The following ATAD3A variants were observed in gnomAD, a reference collection of about 807,000 sequenced individuals.
The protein encoded by ATAD3A is ATPase family AAA domain containing 3A, also known as ATPase family AAA domain-containing protein 3A.
ATAD3A carries 46 observed loss-of-function variants against 73.8 expected under a neutral mutation model. That is an observed-to-expected ratio of 0.62 (90% CI 0.49 to 0.80). The LOEUF (loss-of-function observed/expected upper bound fraction) is 0.80. ATAD3A is among the 30% of genes least tolerant of loss of function. The probability of loss-of-function intolerance (pLI) is 0.00; values close to 1 mark genes in which losing one functional copy is unlikely to be tolerated. For synonymous variants in ATAD3A, 319 were observed against 350.0 expected, an observed-to-expected ratio of 0.91 and a Z score of 0.99; for missense variants, 705 against 838.0, an observed-to-expected ratio of 0.84 and a Z score of 1.96.
chr1:1,514,958 C>G (rs1342005408), intron 1 of ATAD3A, among the ~76,000 whole-genome samples: 1 of 152,196 alleles, frequency 6.6e-6, no homozygotes, highest in Non-Finnish European at 1.5e-5. Flanking sequence ...ATCGCAACAT[C>G]CACCTCCTGG....
At position 1,520,692 on chromosome 1, in the gene ATAD3A, C is replaced by T; in HGVS notation, c.750+75C>T. 1 of 1,609,520 alleles carries T rather than the reference C, an allele frequency of 6.2e-7. No individual in the cohort carries two copies. The highest frequency in any genetic ancestry group is 2.2e-5 in the East Asian group (1 of 44,836). On this transcript the variant is annotated intron_variant, in intron 7 of 15. Coordinates refer to ENST00000378756, the MANE Select transcript of ATAD3A (RefSeq NM_001170535.3). The surrounding 1 kb of genome is among the most constrained non-coding windows in gnomAD (Gnocchi z 4.0). ...TGGGGGCCTCCTGGAGCCCCAGGTC[C>T]TGTCCCTGCCGGCTCTGCACAGCCC...
Position 1,515,564 on chromosome 1 carries a change from G to A in ATAD3A, c.206-448G>A, listed in dbSNP as rs111323616. On this transcript the variant is annotated intron_variant, in intron 1 of 15. Transcript: ENST00000378756. ...AGGACGTTGTCAGATGCTTGTCCTC[G>A]TCACCCTGAGCTTGTTGGCTGGTAT... Among the ~76,000 whole-genome samples, 1,130 of 152,216 alleles carry A rather than the reference G, an allele frequency of 7.4e-3. 18 individuals are homozygous for A. The highest frequency in any genetic ancestry group is 0.026 in the African/African-American group (1,078 of 41,524).
Position 1,522,767 on chromosome 1 carries a change from T to A in ATAD3A, c.774T>A (p.Ala258=). The change falls in exon 8 of 16, where the codon GCT becomes GCA. Residue 258 remains alanine (A), a synonymous_variant. Coordinates refer to ENST00000378756, the MANE Select transcript of ATAD3A (RefSeq NM_001170535.3). ...AGGTGGCTGGGCTGACGCTGCTGGC[T>A]GTTGGGGTCTACTCAGCCAAGAATG... ...TATVAGLTLL[A]VGVYSAKNAT... 1 of 1,611,966 alleles carries A rather than the reference T, an allele frequency of 6.2e-7. No homozygotes were observed. Among genetic ancestry groups the A allele is most frequent in the Non-Finnish European group, 8.5e-7 (1 of 1,179,768 alleles).
In ATAD3A at chr1:1,515,758, G is replaced by A. The variant is rs538978121; in HGVS notation, c.206-254G>A. 7.2e-5 allele frequency among the ~76,000 whole-genome samples: 11 copies of A among 152,282 alleles called. No individual in the cohort carries two copies. In the East Asian group the frequency reaches 2.1e-3, roughly 29 times the overall value. ...GAAAGAGCCTCCTCCCGTCCACGTG[G>A]GATGGCCTTCCTGATGTGGCTCTCC... On this transcript the variant is annotated intron_variant, in intron 1 of 15. Coordinates refer to ENST00000378756, the MANE Select transcript of ATAD3A (RefSeq NM_001170535.3).
At chr1:1,518,015 C>T (rs534328196) in intron 4 of ATAD3A, among the ~76,000 whole-genome samples, 5 of 152,038 alleles carry the variant, frequency 3.3e-5, no homozygotes, top group East Asian at 1.9e-4. Flanking sequence ...ACACACTCCT[C>T]GCACACACAC....
chr1:1,517,401 C>T lies in ATAD3A; in HGVS notation c.373C>T (p.Gln125Ter). 1 of 1,523,426 alleles carries T rather than the reference C, an allele frequency of 6.6e-7. No individual in the cohort carries two copies. Among genetic ancestry groups the T allele is most frequent in the Non-Finnish European group, 8.8e-7 (1 of 1,136,928 alleles). 94.4% of individuals were successfully genotyped at this position (1,523,426 alleles called of 1,614,324 possible). ...GAAGACCCTGAGCGAGGAGACCCGG[C>T]AGCACCAGGCCGTAAGAGCGCAAGA... is the stretch of plus-strand genomic sequence containing the variant. ...RRKTLSEETRQHQARAQYQDK... is the reference protein window; with the variant it reads ...RRKTLSEETR The change falls in exon 3 of 16, where the codon CAG becomes TAG. Residue 125 changes from glutamine to a stop codon, truncating the protein, a stop_gained. Coordinates refer to ENST00000378756, the MANE Select transcript of ATAD3A (RefSeq NM_001170535.3). LOFTEE classifies it high-confidence loss of function.
intron 1 of ATAD3A, among the ~76,000 whole-genome samples, chr1:1,515,721 C>G (rs1258446075): frequency 6.6e-6 from 1 of 152,208 alleles, no homozygotes; most frequent in South Asian, 2.1e-4. Context: ...GCCTGACTTT[C>G]TGTTGAATTG....
chr1:1,526,386 C>G (rs1268731986), intron 12 of ATAD3A, 75 bp from the exon 13 acceptor site: 6 of 1,564,688 alleles, frequency 3.8e-6, no homozygotes, highest in African/African-American at 2.7e-5. Context: ...AGGAGGGAGG[C>G]CTGTGGGACT....
At position 1,520,119 on chromosome 1, in the gene ATAD3A, C is replaced by G. The variant is rs1189754547; in HGVS notation, c.515-22C>G. The G allele has an allele frequency of 1.2e-6, 2 of 1,604,284 alleles. No homozygotes were observed. Among genetic ancestry groups the G allele is most frequent in the South Asian group, 2.2e-5 (2 of 89,972 alleles). On this transcript the variant is annotated intron_variant, in intron 5 of 15. Transcript: ENST00000378756. The surrounding 1 kb of genome is among the most constrained non-coding windows in gnomAD (Gnocchi z 4.0). ...ACGCGCTGCACTGCATGGTGCTGAGCTGCCCTGCCTCTCTGGGGCAGCCAC... is the reference window on the plus strand; with the variant it reads ...ACGCGCTGCACTGCATGGTGCTGAGGTGCCCTGCCTCTCTGGGGCAGCCAC...
chr1:1,514,678 G>A (rs1238033739), intron 1 of ATAD3A, among the ~76,000 whole-genome samples: 1 of 152,184 alleles, frequency 6.6e-6, no homozygotes, highest in African/African-American at 2.4e-5. Flanking sequence ...CCCTGCGTCA[G>A]TCACCTCCAA....
chr1:1,519,108 G>A lies in ATAD3A; in HGVS notation c.514+118G>A, dbSNP rs1229894559. 1.5e-5 allele frequency: 23 copies of A among 1,571,726 alleles called. No individual in the cohort carries two copies. The African/African-American group carries it at 1.9e-4, about 13-fold the overall frequency. Reference sequence around the variant, plus strand: ...CCTCATAGCTACCAGTGCAGTGGGCGAGGCCTGCTGGGGCTCCGCGGGGTG... The same window carrying A: ...CCTCATAGCTACCAGTGCAGTGGGCAAGGCCTGCTGGGGCTCCGCGGGGTG... On this transcript the variant is annotated intron_variant, in intron 5 of 15. Coordinates refer to ENST00000378756, the MANE Select transcript of ATAD3A (RefSeq NM_001170535.3).
chr1:1,521,576 G>A (rs1641602059), intron 7 of ATAD3A, among the ~76,000 whole-genome samples: 1 of 152,246 alleles, frequency 6.6e-6, no homozygotes, highest in Non-Finnish European at 1.5e-5. Context: ...GCCCAGAGCT[G>A]TGACTGCAGC....
intron 1 of ATAD3A, 84 bp downstream of exon 1, chr1:1,512,557 C>T (rs1369603344): frequency 5.8e-6 from 8 of 1,390,000 alleles, no homozygotes; most frequent in South Asian, 2.6e-5. Context: ...CCGCTCCTCG[C>T]CGCTGTCGGC....
chr1:1,523,314 G>C lies in ATAD3A; in HGVS notation c.907-197G>C, dbSNP rs1265851417. Among the ~76,000 whole-genome samples the C allele has an allele frequency of 6.6e-6, 1 of 152,150 alleles. No individual in the cohort carries two copies. Among genetic ancestry groups the C allele is most frequent in the African/African-American group, 2.4e-5 (1 of 41,430 alleles). On this transcript the variant is annotated intron_variant, in intron 8 of 15. Coordinates refer to ENST00000378756, the MANE Select transcript of ATAD3A (RefSeq NM_001170535.3). The surrounding 1 kb of genome is among the most constrained non-coding windows in gnomAD (Gnocchi z 5.1). Reference sequence around the variant, plus strand: ...TGGTTAAGAAAATAAAAGCCAATAAGGAACCGGAAAATGCCCCTAATCCCA... The same window carrying C: ...TGGTTAAGAAAATAAAAGCCAATAACGAACCGGAAAATGCCCCTAATCCCA...
rs553545709 is a variant in ATAD3A, at chr1:1,534,234, C to T, written c.*162C>T. On this transcript the variant is annotated 3_prime_UTR_variant, in exon 16 of 16. Transcript: ENST00000378756. Reference sequence around the variant, plus strand: ...CTTGTGGTGCGGGTCGGCCGTTCTGCCCCCCAGGGCACCCCCTGTTGTAGG... The same window carrying T: ...CTTGTGGTGCGGGTCGGCCGTTCTGTCCCCCAGGGCACCCCCTGTTGTAGG... The T allele has an allele frequency of 2.3e-3, 3,445 of 1,494,296 alleles. 21 individuals are homozygous for T. Among genetic ancestry groups the T allele is most frequent in the South Asian group, 0.013 (934 of 74,040 alleles). 92.6% of individuals were successfully genotyped at this position (1,494,296 alleles called of 1,614,324 possible). A position where few individuals can be genotyped will look rare whatever the true frequency, so the allele number is the denominator to read the frequency against.
intron 15 of ATAD3A, among the ~76,000 whole-genome samples, chr1:1,531,400 G>A (rs1400975815): frequency 4.0e-5 from 6 of 151,868 alleles, no homozygotes; most frequent in East Asian, 3.9e-4. Context: ...GCAAAGAGCC[G>A]AGATTGCACC....
chr1:1,534,134 C>G lies in ATAD3A; in HGVS notation c.*62C>G, dbSNP rs1642139840. 24 of 1,607,912 alleles carry G rather than the reference C, an allele frequency of 1.5e-5. No homozygotes were observed. The highest frequency in any genetic ancestry group is 2.2e-5 in the South Asian group (2 of 90,802). ...GCGGACCCCTCCCACCCCTGCCTTG[C>G]CGGCCCCTGCACATTTAGGATATGC... On this transcript the variant is annotated 3_prime_UTR_variant, in exon 16 of 16. Coordinates refer to ENST00000378756, the MANE Select transcript of ATAD3A (RefSeq NM_001170535.3).
intron 1 of ATAD3A, among the ~76,000 whole-genome samples, chr1:1,515,520 T>G (rs1276516810): frequency 6.6e-6 from 1 of 152,170 alleles, no homozygotes; most frequent in Middle Eastern, 3.2e-3. Flanking sequence ...AGTTCCCCTC[T>G]AGGAACAAAA....
intron 7 of ATAD3A, among the ~76,000 whole-genome samples, chr1:1,522,132 C>T (rs1489350776): frequency 2.0e-5 from 3 of 152,106 alleles, no homozygotes; most frequent in East Asian, 1.9e-4. Flanking sequence ...CTTTGCCTTC[C>T]GGGTTCAAGA....
Sources: gnomAD v4.1 joint callset for allele counts (sites outside exome capture counted in the v4.1 genomes callset) on GRCh38, gnomAD v4.1.1 for gene constraint, Gnocchi (gnomAD v3.1) non-coding constraint, MANE v1.5 for transcripts, NCBI Gene and HGNC (gene_info 2026-07-23, HGNC 2026-07-21) for gene names.